The following AKAP6 variants were observed in gnomAD, a reference collection of about 807,000 sequenced individuals.
AKAP6 encodes the protein A-kinase anchor protein 6.
Under a neutral mutation model 188.5 loss-of-function variants are expected in AKAP6, and 58 were observed. That is an observed-to-expected ratio of 0.31 (90% CI 0.25 to 0.38). The LOEUF (loss-of-function observed/expected upper bound fraction) is 0.38. Among genes scored for constraint, AKAP6 ranks in the 10% least tolerant of loss-of-function variants. The pLI, the probability that AKAP6 is intolerant of heterozygous loss-of-function variation, is 1.00. For synonymous variants in AKAP6, 989 were observed against 998.6 expected (o/e 0.99, Z 0.18); for missense variants, 2,710 against 2,740.0 (o/e 0.99, Z 0.24).
At chr14:32,630,769 A>AT (rs976727370) in intron 7 of AKAP6, among the ~76,000 whole-genome samples, 4 of 152,056 alleles carry the variant, frequency 2.6e-5, no homozygotes, top group Admixed American at 2.6e-4. Context: ...TAAATAATTT[A>AT]TTTTTCTTTA....
At chr14:32,665,353 G>A (rs932095227) in intron 7 of AKAP6, among the ~76,000 whole-genome samples, 1 of 152,084 alleles carries the variant, frequency 6.6e-6, no homozygotes, top group African/African-American at 2.4e-5. Flanking sequence ...CTTTGGGTTG[G>A]ATTAATATGC....
intron 8 of AKAP6, among the ~76,000 whole-genome samples, chr14:32,681,364 G>A (rs970562545): frequency 2.0e-5 from 3 of 152,136 alleles, no homozygotes; most frequent in Non-Finnish European, 4.4e-5. Context: ...AGAGAACTGA[G>A]AGGCAAAGAT....
intron 1 of AKAP6, among the ~76,000 whole-genome samples, chr14:32,390,155 G>A (rs1185597993): frequency 2.0e-5 from 3 of 152,032 alleles, no homozygotes; most frequent in Admixed American, 1.3e-4. Context: ...ACTTTCCAGA[G>A]CATTTTGCAT....
At chr14:32,784,730 A>G (rs1258763784) in intron 12 of AKAP6, among the ~76,000 whole-genome samples, 1 of 152,182 alleles carries the variant, frequency 6.6e-6, no homozygotes, top group Admixed American at 6.5e-5. Context: ...TAAATTTTTG[A>G]TAGATTACAT....
At chr14:32,811,241 G>GAAAAAAAAA (rs529886144) in intron 12 of AKAP6, among the ~76,000 whole-genome samples, 1 of 55,600 alleles carries the variant, frequency 1.8e-5, no homozygotes, top group East Asian at 3.8e-4. Context: ...TCCGTCTCAG[G>GAAAAAAAAA]AAAAAAAAAA....
At chr14:32,380,004 C>G (rs1888295917) in intron 1 of AKAP6, among the ~76,000 whole-genome samples, 1 of 152,202 alleles carries the variant, frequency 6.6e-6, no homozygotes, top group African/African-American at 2.4e-5. Flanking sequence ...CTGGCTACTT[C>G]CTTATATAAA....
At chr14:32,483,747 G>C (rs1215973215) in intron 2 of AKAP6, among the ~76,000 whole-genome samples, 2 of 152,092 alleles carry the variant, frequency 1.3e-5, no homozygotes, top group East Asian at 1.9e-4. Context: ...GCCTCCCAAA[G>C]TTCTGGGATT....
chr14:32,450,573 T>C (rs6571518), intron 2 of AKAP6, among the ~76,000 whole-genome samples: 109,564 of 152,040 alleles, frequency 0.72, 40,451 homozygotes, highest in African/African-American at 0.87. Flanking sequence ...TGTATTAGTA[T>C]ACTTTCTCTT....
intron 2 of AKAP6, chr14:32,442,640 T>TAAAA: frequency 6.8e-6 from 1 of 146,936 alleles, no homozygotes; most frequent in Non-Finnish European, 1.5e-5. Flanking sequence ...TCCCGTCTCT[T>TAAAA]AAAAAAAAAA....
intron 12 of AKAP6, among the ~76,000 whole-genome samples, chr14:32,809,242 T>C (rs900593194): frequency 1.3e-5 from 2 of 152,190 alleles, no homozygotes; most frequent in Non-Finnish European, 2.9e-5. Flanking sequence ...TATTTTAACA[T>C]GCGTATTAAT....
At chr14:32,381,293 T>C (rs540660975) in intron 1 of AKAP6, among the ~76,000 whole-genome samples, 2 of 151,910 alleles carry the variant, frequency 1.3e-5, no homozygotes, top group South Asian at 4.2e-4. Flanking sequence ...TGAGCCAAGA[T>C]TGCACCTCCA....
At chr14:32,663,296 TC>T (rs1888781688) in intron 7 of AKAP6, among the ~76,000 whole-genome samples, 1 of 152,040 alleles carries the variant, frequency 6.6e-6, no homozygotes, top group Admixed American at 6.6e-5. Context: ...AAAAATAGTA[TC>T]TTCAGCTCTT....
At chr14:32,720,519 A>G (rs376864915) in intron 9 of AKAP6, among the ~76,000 whole-genome samples, 4 of 152,212 alleles carry the variant, frequency 2.6e-5, no homozygotes, top group African/African-American at 9.6e-5. Flanking sequence ...AAGTTTGCAT[A>G]ATGGTAATTC....
At chr14:32,472,974 A>G (rs1238516691) in intron 2 of AKAP6, among the ~76,000 whole-genome samples, 2 of 152,208 alleles carry the variant, frequency 1.3e-5, no homozygotes, top group Admixed American at 1.3e-4. Flanking sequence ...GTGAAAATCT[A>G]GTTTAAACTG....
chr14:32,817,443 CT>C (rs2034409345), intron 12 of AKAP6, among the ~76,000 whole-genome samples: 1 of 148,774 alleles, frequency 6.7e-6, no homozygotes, highest in African/African-American at 2.5e-5. Flanking sequence ...TTGAGCAGAT[CT>C]GTATAGCTGT....
chr14:32,382,833 T>A (rs1888409143), intron 1 of AKAP6, among the ~76,000 whole-genome samples: 1 of 152,076 alleles, frequency 6.6e-6, no homozygotes, highest in Non-Finnish European at 1.5e-5. Context: ...GTGATTTGGA[T>A]GTGGTTGCCT....
At chr14:32,646,878 GT>G (rs1888008071) in intron 7 of AKAP6, among the ~76,000 whole-genome samples, 1 of 152,102 alleles carries the variant, frequency 6.6e-6, no homozygotes, top group South Asian at 2.1e-4. Flanking sequence ...AGTTGCAATT[GT>G]TAACAGCTCT....
chr14:32,519,854 C>T (rs1412662472), intron 2 of AKAP6, among the ~76,000 whole-genome samples: 3 of 152,200 alleles, frequency 2.0e-5, no homozygotes, highest in African/African-American at 7.2e-5. Flanking sequence ...ACATAATAGA[C>T]ATCTACAGAA....
intron 2 of AKAP6, among the ~76,000 whole-genome samples, chr14:32,531,597 T>C (rs1267779012): frequency 3.3e-5 from 5 of 152,184 alleles, no homozygotes; most frequent in Non-Finnish European, 5.9e-5. Flanking sequence ...TACCAAACAG[T>C]TCCATCAGTC....
Sources: allele counts gnomAD v4.1 joint callset (sites outside exome capture counted in the v4.1 genomes callset), GRCh38; gene constraint gnomAD v4.1.1; transcripts MANE v1.5; gene names NCBI Gene and HGNC (gene_info 2026-07-23, HGNC 2026-07-21).